Variants in DTNA observed in about 807,000 individuals in gnomAD.
The protein encoded by DTNA is dystrophin-related protein 3.
A neutral mutation model predicts 100.7 loss-of-function variants in DTNA; 43 were observed. That is an observed-to-expected ratio of 0.43 (90% CI 0.33 to 0.55). DTNA has a LOEUF of 0.55. DTNA is among the 20% of genes least tolerant of loss of function. DTNA has a pLI of 0.04. For synonymous variants in DTNA, 349 were observed against 347.9 expected (o/e 1.00, Z -0.04); for missense variants, 798 against 953.9 (o/e 0.84, Z 2.15).
At chr18:34,847,333 G>A (rs2096397883) in intron 13 of DTNA, among the ~76,000 whole-genome samples, 1 of 152,134 alleles carries the variant, frequency 6.6e-6, no homozygotes. Context: ...CTAAAATTCT[G>A]TTTCTCTGAA....
intron 1 of DTNA, among the ~76,000 whole-genome samples, chr18:34,552,796 G>A (rs2045585298): frequency 6.7e-6 from 1 of 148,936 alleles, no homozygotes; most frequent in Non-Finnish European, 1.5e-5. Context: ...ATTTGGGTTG[G>A]TTCCAAGTCT....
rs1265062363 is a variant in DTNA at position 34,816,003 on chromosome 18, A to G, written c.698A>G (p.Asn233Ser). 1 of 1,613,646 alleles carries G rather than the reference A, an allele frequency of 6.2e-7. No homozygotes were observed. Residue 233 changes from asparagine (N) to serine (S), a missense_variant, in exon 7 of 23, where the codon AAT becomes AGT. Physicochemically the swap from Asn to Ser is conservative, Grantham distance 46. Transcript: ENST00000444659. Reference protein sequence around the residue: ...VWLPLLHRLANVENVFHPVEC... With the variant: ...VWLPLLHRLASVENVFHPVEC... The stretch of plus-strand genomic sequence containing the variant: ...TTGCCTCTTCTGCATCGACTAGCAA[A>G]TGTGGAAAATGGTGAGTAGTTACTA...
At chr18:34,771,598 C>A (rs78613782) in intron 3 of DTNA, among the ~76,000 whole-genome samples, 2,500 of 152,240 alleles carry the variant, frequency 0.016, 78 homozygotes, top group African/African-American at 0.056. Flanking sequence ...TCTTTGTACC[C>A]TGCCATACCT....
At chr18:34,720,454 A>C (rs761487045) in intron 1 of DTNA, among the ~76,000 whole-genome samples, 31 of 152,216 alleles carry the variant, frequency 2.0e-4, no homozygotes, top group Non-Finnish European at 3.8e-4. Context: ...GTTAAGACAC[A>C]GGTAAGGCAG....
At chr18:34,560,664 G>C (rs1955450495) in intron 1 of DTNA, among the ~76,000 whole-genome samples, 1 of 152,190 alleles carries the variant, frequency 6.6e-6, no homozygotes, top group African/African-American at 2.4e-5. Flanking sequence ...CCAGCACTTT[G>C]GGAGGCTGAG....
intron 3 of DTNA, among the ~76,000 whole-genome samples, chr18:34,768,327 A>G (rs1257175455): frequency 1.3e-5 from 2 of 152,172 alleles, no homozygotes; most frequent in Non-Finnish European, 1.5e-5. Flanking sequence ...AAGCAAAAAA[A>G]GGAAAACAAA....
chr18:34,746,004 A>G (rs1228836164), intron 1 of DTNA, among the ~76,000 whole-genome samples: 6 of 152,182 alleles, frequency 3.9e-5, no homozygotes, highest in African/African-American at 1.4e-4. Context: ...AGTTTAGCTC[A>G]GTCACTTGAA....
At chr18:34,799,536 C>T (rs1287200013) in intron 4 of DTNA, among the ~76,000 whole-genome samples, 1 of 152,148 alleles carries the variant, frequency 6.6e-6, no homozygotes, top group African/African-American at 2.4e-5. Context: ...ATGTTCTTCT[C>T]TTTTATTATC....
chr18:34,797,908 T>C (rs778780059), intron 4 of DTNA, among the ~76,000 whole-genome samples: 10 of 152,250 alleles, frequency 6.6e-5, no homozygotes, highest in Non-Finnish European at 1.3e-4. Context: ...ATTCTTCTTA[T>C]GAACAGCACC....
chr18:34,568,350 CT>C (rs1306705881), intron 1 of DTNA, among the ~76,000 whole-genome samples: 1 of 152,068 alleles, frequency 6.6e-6, no homozygotes, highest in Non-Finnish European at 1.5e-5. Flanking sequence ...TTTTTACTGG[CT>C]TTTGGTTGTA....
intron 1 of DTNA, among the ~76,000 whole-genome samples, chr18:34,511,709 G>T (rs2041111146): frequency 1.3e-5 from 2 of 152,038 alleles, no homozygotes; most frequent in South Asian, 4.1e-4. Flanking sequence ...CTCCAGAACT[G>T]TGATTAAGTG....
At chr18:34,818,085 T>A in intron 7 of DTNA, 79 bp from the exon 8 acceptor site, 2 of 1,611,144 alleles carry the variant, frequency 1.2e-6, no homozygotes, top group Non-Finnish European at 1.7e-6. Flanking sequence ...AAAGGTGCAA[T>A]TCCTGTAAGG....
intron 3 of DTNA, among the ~76,000 whole-genome samples, chr18:34,789,497 C>G (rs1018658416): frequency 1.3e-5 from 2 of 152,148 alleles, no homozygotes; most frequent in African/African-American, 4.8e-5. Flanking sequence ...TTATACCTAG[C>G]ATGCTATATG....
chr18:34,655,608 G>T (rs1359471090), intron 1 of DTNA, among the ~76,000 whole-genome samples: 1 of 152,054 alleles, frequency 6.6e-6, no homozygotes, highest in African/African-American at 2.4e-5. Flanking sequence ...AAATTATATG[G>T]ATATTAATTT....
At chr18:34,863,145 G>A (rs2096651163) in intron 16 of DTNA, among the ~76,000 whole-genome samples, 2 of 152,128 alleles carry the variant, frequency 1.3e-5, no homozygotes, top group African/African-American at 4.8e-5. Context: ...AATTTATTTG[G>A]AAAGTATACA....
chr18:34,708,361 T>C (rs1161216752), upstream of DTNA: 1 of 152,246 alleles, frequency 6.6e-6, no homozygotes, highest in Non-Finnish European at 1.5e-5. Flanking sequence ...ATGAAGATTC[T>C]TTACAGTTCA....
chr18:34,877,838 G>A (rs1265371029), intron 19 of DTNA, 30 bp downstream of exon 19: 3 of 1,584,284 alleles, frequency 1.9e-6, no homozygotes, highest in Admixed American at 1.7e-5. Flanking sequence ...TCATTTGTCT[G>A]CTCATCATGG....
At chr18:34,547,901 C>A (rs1432019867) in intron 1 of DTNA, among the ~76,000 whole-genome samples, 3 of 152,122 alleles carry the variant, frequency 2.0e-5, no homozygotes, top group African/African-American at 4.8e-5. Flanking sequence ...ATTGTAATCA[C>A]AGCAACCAAC....
At chr18:34,852,789 G>T (rs1050173489) in intron 15 of DTNA, among the ~76,000 whole-genome samples, 1 of 152,060 alleles carries the variant, frequency 6.6e-6, no homozygotes, top group African/African-American at 2.4e-5. Flanking sequence ...CATCACTGGG[G>T]TCTCAGCTCA....
Sources: gnomAD v4.1 joint callset for allele counts (sites outside exome capture counted in the v4.1 genomes callset) on GRCh38, gnomAD v4.1.1 for gene constraint, MANE v1.5 for transcripts, NCBI Gene and HGNC (gene_info 2026-07-23, HGNC 2026-07-21) for gene names.